Variants in IL16 observed in about 807,000 individuals in gnomAD.
IL16 encodes the protein pro-interleukin-16.
In IL16, 67 loss-of-function variants were observed where a neutral mutation model predicts 110.1. The ratio of observed to expected loss-of-function variants is 0.61; its 90% CI spans 0.50 to 0.75. The LOEUF (loss-of-function observed/expected upper bound fraction) is 0.75, where lower values mean the gene tolerates loss of function less well. Among genes scored for constraint, IL16 ranks in the 30% least tolerant of loss-of-function variants. IL16 has a pLI of 0.00. For synonymous variants in IL16, 689 were observed against 662.9 expected (o/e 1.04, Z -0.61); for missense variants, 1,545 against 1,655.0 (o/e 0.93, Z 1.15).
intron 2 of IL16, among the ~76,000 whole-genome samples, chr15:81,231,366 CTCTCTCT>C (rs1896976134): frequency 6.9e-6 from 1 of 145,192 alleles, no homozygotes; most frequent in Non-Finnish European, 1.5e-5. Flanking sequence ...CTCTCTCTCT[CTCTCTCT>C]CTCTCTCTCC....
At position 81,231,324 on chromosome 15, in the gene IL16, GTCTCTCTCTCTCTCTC is replaced by G. The variant is rs532872365; in HGVS notation, c.312+5656_312+5671del. Among the ~76,000 whole-genome samples, 180 of 47,146 alleles carry G rather than the reference GTCTCTCTCTCTCTCTC, an allele frequency of 3.8e-3. 1 individual carries two copies. The highest frequency in any genetic ancestry group is 0.013 in the African/African-American group (161 of 12,746). The allele number at this position is 47,146 out of a possible 152,430, so 30.9% of individuals were successfully genotyped here. ...GGGGAGATCTACCCAAGGTCGGTCT[GTCTCTCTCTCTCTCTC>G]TCTCTCTCTCTCTCTCTCTCTCTCT... On this transcript the variant is annotated intron_variant, in intron 2 of 18. Transcript: ENST00000683961.
At chr15:81,277,844 T>C (rs1898983664) in intron 6 of IL16, among the ~76,000 whole-genome samples, 1 of 152,192 alleles carries the variant, frequency 6.6e-6, no homozygotes, top group Non-Finnish European at 1.5e-5. Flanking sequence ...AGTATTTATA[T>C]CTGAGTTGCT....
Position 81,282,578 on chromosome 15 carries a change from G to A in IL16, c.1082-61G>A, listed in dbSNP as rs200361847. 6,108 of 1,251,944 alleles carry A rather than the reference G, an allele frequency of 4.9e-3. 28 individuals are homozygous for A. Among genetic ancestry groups the A allele is most frequent in the Non-Finnish European group, 6.5e-3 (5,609 of 861,558 alleles). 77.6% of individuals were successfully genotyped at this position (1,251,944 alleles called of 1,614,324 possible). A position where few individuals can be genotyped will look rare whatever the true frequency, so the allele number is the denominator to read the frequency against. Reference sequence around the variant, plus strand: ...GCCATGTCTGTGGCACCCAATCGACGAGTAGGCCCCCTGGGAAAGCTCAGT... The same window carrying A: ...GCCATGTCTGTGGCACCCAATCGACAAGTAGGCCCCCTGGGAAAGCTCAGT... On this transcript the variant is annotated intron_variant, in intron 8 of 18. Coordinates refer to ENST00000683961, the MANE Select transcript of IL16 (RefSeq NM_172217.5).
intron 2 of IL16, among the ~76,000 whole-genome samples, chr15:81,232,779 T>G (rs983176141): frequency 2.0e-5 from 3 of 152,334 alleles, no homozygotes; most frequent in African/African-American, 7.2e-5. Context: ...TTGTTAGTAA[T>G]TGTTGCCCCT....
At chr15:81,208,150 T>G (rs953827117) in intron 1 of IL16, among the ~76,000 whole-genome samples, 3 of 152,222 alleles carry the variant, frequency 2.0e-5, no homozygotes, top group African/African-American at 7.2e-5. Flanking sequence ...TTTTCATATA[T>G]TTCTTGGCTG....
chr15:81,271,957 C>T (rs1427877603), intron 5 of IL16, among the ~76,000 whole-genome samples: 1 of 152,214 alleles, frequency 6.6e-6, no homozygotes, highest in East Asian at 1.9e-4. Flanking sequence ...TGCCCATGAG[C>T]AATGGTTCTG....
intron 10 of IL16, among the ~76,000 whole-genome samples, chr15:81,287,181 G>A (rs1325061067): frequency 6.6e-6 from 1 of 152,198 alleles, no homozygotes; most frequent in East Asian, 1.9e-4. Context: ...GTGGCTCTGG[G>A]GTAAGAGAGG....
chr15:81,245,259 G>A (rs1595987535), intron 2 of IL16, among the ~76,000 whole-genome samples: 1 of 152,122 alleles, frequency 6.6e-6, no homozygotes, highest in East Asian at 1.9e-4. Context: ...ATGAGGCCCT[G>A]GATCTTATTC....
At chr15:81,305,432 G>A (rs1426808865) in intron 16 of IL16, among the ~76,000 whole-genome samples, 1 of 152,080 alleles carries the variant, frequency 6.6e-6, no homozygotes. Flanking sequence ...GCGGGGCCAA[G>A]GTGAGAGGAT....
At chr15:81,227,951 G>A (rs1300254912) in intron 2 of IL16, among the ~76,000 whole-genome samples, 3 of 152,156 alleles carry the variant, frequency 2.0e-5, no homozygotes, top group Non-Finnish European at 4.4e-5. Flanking sequence ...GCACCTGGGG[G>A]TAGTAGGGGA....
chr15:81,249,429 A>G (rs1197537689), intron 2 of IL16, among the ~76,000 whole-genome samples: 3 of 152,066 alleles, frequency 2.0e-5, no homozygotes, highest in African/African-American at 7.2e-5. Context: ...TCTGTCTGTA[A>G]AGACCTTTAT....
intron 2 of IL16, among the ~76,000 whole-genome samples, chr15:81,228,958 A>T (rs1375265249): frequency 6.6e-6 from 1 of 152,210 alleles, no homozygotes; most frequent in Admixed American, 6.5e-5. Context: ...TATTATAAGG[A>T]TAACATTATA....
intron 2 of IL16, among the ~76,000 whole-genome samples, chr15:81,241,566 A>G (rs1162261832): frequency 6.6e-6 from 1 of 152,114 alleles, no homozygotes; most frequent in African/African-American, 2.4e-5. Context: ...TCTTTTTAAT[A>G]ATTCTATTTA....
chr15:81,199,953 A>G (rs1249970801), intron 1 of IL16, among the ~76,000 whole-genome samples: 1 of 152,228 alleles, frequency 6.6e-6, no homozygotes, highest in Non-Finnish European at 1.5e-5. Flanking sequence ...AGGGAGCTAA[A>G]TGAGGAATCA....
intron 1 of IL16, among the ~76,000 whole-genome samples, chr15:81,203,951 T>A (rs1311098102): frequency 1.3e-5 from 2 of 152,032 alleles, no homozygotes; most frequent in Admixed American, 1.3e-4. Flanking sequence ...TTCCTACCCA[T>A]GAGCGTGGAA....
chr15:81,224,561 G>T (rs1396367045), intron 1 of IL16, among the ~76,000 whole-genome samples: 41 of 152,230 alleles, frequency 2.7e-4, no homozygotes, highest in Admixed American at 2.7e-3. Flanking sequence ...CCAAGTGTTT[G>T]ACTTTAGGCC....
chr15:81,250,588 C>T (rs1259948011), intron 2 of IL16, among the ~76,000 whole-genome samples: 1 of 152,272 alleles, frequency 6.6e-6, no homozygotes, highest in East Asian at 1.9e-4. Flanking sequence ...TGACTGAAGT[C>T]AAAGCTGGTT....
At chr15:81,277,450 T>A (rs1258741357) in intron 6 of IL16, among the ~76,000 whole-genome samples, 1 of 140,870 alleles carries the variant, frequency 7.1e-6, no homozygotes, top group African/African-American at 2.7e-5. Flanking sequence ...TTTTCTTTCC[T>A]TTTTTTTTTT....
chr15:81,300,570 T>A (rs1900232037), intron 14 of IL16, 95 bp downstream of exon 14: 1 of 743,778 alleles, frequency 1.3e-6, no homozygotes, highest in South Asian at 2.3e-5. Context: ...ATTTAAAAAA[T>A]TCCCAGATAT....
Sources: gnomAD v4.1 joint callset for allele counts (sites outside exome capture counted in the v4.1 genomes callset) on GRCh38, gnomAD v4.1.1 for gene constraint, MANE v1.5 for transcripts, NCBI Gene and HGNC (gene_info 2026-07-23, HGNC 2026-07-21) for gene names.